The following TENM2 variants were observed in gnomAD, a reference collection of about 807,000 sequenced individuals.
The protein encoded by TENM2 is teneurin transmembrane protein 2, also known as teneurin-2.
Under a neutral mutation model 245.2 loss-of-function variants are expected in TENM2, and 52 were observed. The ratio of observed to expected loss-of-function variants is 0.21; its 90% CI spans 0.17 to 0.27. The LOEUF is 0.27. Among genes scored for constraint, TENM2 ranks in the 10% least tolerant of loss-of-function variants. The pLI is 1.00. For synonymous variants in TENM2, 1,363 were observed against 1,438.9 expected (o/e 0.95, Z 1.19); for missense variants, 3,046 against 3,666.8 (o/e 0.83, Z 4.37).
At chr5:167,275,720 G>A in the TENM2 span, among the ~76,000 whole-genome samples, 11 of 152,112 alleles carry the variant, frequency 7.2e-5, no homozygotes, top group East Asian at 1.7e-3. Flanking sequence ...CTATGACTTC[G>A]AGGAACTTGC....
At chr5:167,428,656 AG>A (rs1764026850) in intron 2 of TENM2, among the ~76,000 whole-genome samples, 1 of 152,204 alleles carries the variant, frequency 6.6e-6, no homozygotes, top group African/African-American at 2.4e-5. Context: ...GAAGGCTTGA[AG>A]GATGTATTTG....
intron 2 of TENM2, among the ~76,000 whole-genome samples, chr5:167,662,316 C>T (rs879944481): frequency 6.6e-6 from 1 of 152,176 alleles, no homozygotes; most frequent in Non-Finnish European, 1.5e-5. Flanking sequence ...TTGAGAGAAG[C>T]TGACCCCTTC....
intron 2 of TENM2, among the ~76,000 whole-genome samples, chr5:167,826,469 T>G (rs17069233): frequency 0.014 from 2,096 of 152,350 alleles, 45 homozygotes; most frequent in African/African-American, 0.048. Flanking sequence ...AGGAAAACTA[T>G]AGCATAGAGA....
chr5:168,116,520 T>A (rs563193670), intron 9 of TENM2, among the ~76,000 whole-genome samples: 2 of 152,316 alleles, frequency 1.3e-5, no homozygotes, highest in Admixed American at 1.3e-4. Flanking sequence ...ACGTCTTTCA[T>A]AAATGGCCAT....
At chr5:167,630,834 C>G (rs1582594955) in intron 2 of TENM2, among the ~76,000 whole-genome samples, 2 of 152,310 alleles carry the variant, frequency 1.3e-5, no homozygotes, top group East Asian at 3.9e-4. Flanking sequence ...TAGCTTTTCT[C>G]TCCTGGGAAA....
intron 2 of TENM2, among the ~76,000 whole-genome samples, chr5:167,600,475 C>G (rs897848343): frequency 2.0e-5 from 3 of 152,094 alleles, no homozygotes; most frequent in Non-Finnish European, 4.4e-5. Context: ...TGTAGTTTTT[C>G]TTTTCCTGAA....
intron 1 of TENM2, among the ~76,000 whole-genome samples, chr5:167,363,048 A>G (rs1291075143): frequency 2.0e-5 from 3 of 152,244 alleles, no homozygotes; most frequent in Admixed American, 6.5e-5. Context: ...TAGCTTGATC[A>G]GAACAACAAC....
At chr5:167,785,761 C>T (rs1764533781) in intron 2 of TENM2, among the ~76,000 whole-genome samples, 1 of 152,138 alleles carries the variant, frequency 6.6e-6, no homozygotes, top group South Asian at 2.1e-4. Flanking sequence ...GAATGTTGAG[C>T]AGTGGTGCTG....
the TENM2 span, among the ~76,000 whole-genome samples, chr5:167,125,792 T>C: frequency 6.6e-6 from 1 of 152,170 alleles, no homozygotes; most frequent in Non-Finnish European, 1.5e-5. Context: ...CTTATACAAC[T>C]TCTAATCCAA....
chr5:168,131,051 G>A (rs17631810), intron 12 of TENM2, among the ~76,000 whole-genome samples: 10,769 of 152,258 alleles, frequency 0.071, 534 homozygotes, highest in South Asian at 0.16. Flanking sequence ...AGATGTTAGC[G>A]TGTGTTAATG....
intron 3 of TENM2, among the ~76,000 whole-genome samples, chr5:167,884,720 T>C (rs568769338): frequency 6.6e-6 from 1 of 152,340 alleles, no homozygotes; most frequent in East Asian, 1.9e-4. Flanking sequence ...GGAATATTGG[T>C]GTACAAATAA....
At chr5:167,455,503 A>G (rs1009383585) in intron 2 of TENM2, among the ~76,000 whole-genome samples, 10 of 150,898 alleles carry the variant, frequency 6.6e-5, no homozygotes, top group Admixed American at 1.3e-4. Flanking sequence ...AAAATAAAAC[A>G]TTTCATTATC....
In TENM2 at chr5:167,720,555, C is replaced by T. The variant is rs528924500; in HGVS notation, c.503-155431C>T. Among the ~76,000 whole-genome samples the T allele has an allele frequency of 3.9e-5, 6 of 152,256 alleles. No individual in the cohort carries two copies. In the South Asian group the frequency reaches 1.2e-3, roughly 32 times the overall value. The stretch of plus-strand genomic sequence containing the variant: ...AGATACTTAAGTGATTCTCCCCACC[C>T]CTGTTTGTAAGTGAGTAGTTATAGC... On this transcript the variant is annotated intron_variant, in intron 2 of 28. Transcript: ENST00000518659.
At chr5:167,624,244 A>T (rs951032702) in intron 2 of TENM2, among the ~76,000 whole-genome samples, 13 of 152,182 alleles carry the variant, frequency 8.5e-5, no homozygotes, top group African/African-American at 3.1e-4. Flanking sequence ...AGCCATGAAA[A>T]AGAACAAAAT....
chr5:167,915,254 T>G (rs1055954045), intron 3 of TENM2, among the ~76,000 whole-genome samples: 1 of 152,006 alleles, frequency 6.6e-6, no homozygotes, highest in African/African-American at 2.4e-5. Flanking sequence ...AAATGACACA[T>G]GCAGCACAGC....
At chr5:167,827,392 C>G (rs965435145) in intron 2 of TENM2, among the ~76,000 whole-genome samples, 5 of 152,090 alleles carry the variant, frequency 3.3e-5, no homozygotes, top group Admixed American at 2.0e-4. Context: ...GTACTAGCTA[C>G]TAGTTAGAGC....
At chr5:167,845,482 C>T (rs1583169618) in intron 2 of TENM2, among the ~76,000 whole-genome samples, 1 of 152,260 alleles carries the variant, frequency 6.6e-6, no homozygotes. Flanking sequence ...GAGGAAGATC[C>T]AGACTCAAAA....
intron 2 of TENM2, among the ~76,000 whole-genome samples, chr5:167,480,848 A>T (rs915531730): frequency 6.6e-6 from 1 of 152,192 alleles, no homozygotes; most frequent in East Asian, 1.9e-4. Flanking sequence ...AAATTTGAGT[A>T]GGCTTGGTAG....
chr5:168,162,785 C>A (rs1475987569), intron 13 of TENM2, 28 bp downstream of exon 15: 6 of 1,610,690 alleles, frequency 3.7e-6, no homozygotes, highest in Non-Finnish European at 5.1e-6. Flanking sequence ...CATTCCCAGC[C>A]CCTAAGAGCA....
Sources: allele counts gnomAD v4.1 joint callset (sites outside exome capture counted in the v4.1 genomes callset), GRCh38; gene constraint gnomAD v4.1.1; transcripts MANE v1.5; gene names NCBI Gene and HGNC (gene_info 2026-07-23, HGNC 2026-07-21).